KLF8: variants seen among roughly 807,000 people sequenced by gnomAD.
KLF8 encodes the protein Krueppel-like factor 8.
KLF8 carries 10 observed loss-of-function variants against 18.2 expected under a neutral mutation model. The observed-to-expected ratio is 0.55, with a 90% CI of 0.34 to 0.93. KLF8 has a LOEUF of 0.93. Among genes scored for constraint, KLF8 ranks in the 40% least tolerant of loss-of-function variants. The pLI, the probability that KLF8 is intolerant of heterozygous loss-of-function variation, is 0.02. For missense variants in KLF8, 264 were observed against 277.9 expected (o/e 0.95, Z 0.36); for synonymous variants, 109 against 97.3 (o/e 1.12, Z -0.71).
chrX:55,967,386 T>C, the KLF8 span, among the ~76,000 whole-genome samples: 1 of 109,939 alleles, frequency 9.1e-6, no homozygotes, highest in Non-Finnish European at 1.9e-5. Context: ...ACAAATAATA[T>C]ACAGTAAAGC....
the KLF8 span, among the ~76,000 whole-genome samples, chrX:56,018,202 G>A: frequency 1.8e-5 from 2 of 110,292 alleles, no homozygotes; most frequent in Non-Finnish European, 3.8e-5. Flanking sequence ...ATTACCCTTC[G>A]CAGCCTCTGG....
chrX:55,971,347 C>T, the KLF8 span, among the ~76,000 whole-genome samples: 2 of 111,268 alleles, frequency 1.8e-5, no homozygotes, highest in Non-Finnish European at 3.8e-5. Context: ...GCTGGCAAAG[C>T]TGGATATTTA....
At chrX:56,122,703 T>C in the KLF8 span, among the ~76,000 whole-genome samples, 1 of 111,356 alleles carries the variant, frequency 9.0e-6, no homozygotes, top group Non-Finnish European at 1.9e-5. Flanking sequence ...TGTGTACCTA[T>C]GCTTTCTTTT....
chrX:56,192,538 G>A, the KLF8 span, among the ~76,000 whole-genome samples: 1 of 111,769 alleles, frequency 8.9e-6, no homozygotes, highest in African/African-American at 3.2e-5. Context: ...CAACAAAACT[G>A]AAGGAATCAT....
At position 56,287,580 on chromosome X, in the gene KLF8, G is replaced by T. The variant is rs1240059509; in HGVS notation, c.*3086G>T. 8.9e-6 allele frequency: 1 copy of T among 112,003 alleles called. No individual in the cohort carries two copies. Among genetic ancestry groups the T allele is most frequent in the Non-Finnish European group, 1.9e-5 (1 of 53,201 alleles). The allele number at this position is 112,003 out of a possible 1,213,427, so 9.2% of individuals were successfully genotyped here. On this transcript the variant is annotated 3_prime_UTR_variant, in exon 6 of 6. Transcript: ENST00000468660. ...TTGCAGCAGAATTCCTCTATCTGAT[G>T]ATCAGCAGTTGAACATAAACTTCAT...
the KLF8 span, among the ~76,000 whole-genome samples, chrX:56,073,135 C>T: frequency 6.0e-4 from 66 of 109,853 alleles, no homozygotes; most frequent in African/African-American, 1.9e-3. Flanking sequence ...TACAGGCGCC[C>T]GCCACCACGC....
chrX:56,221,255 C>T, the KLF8 span, among the ~76,000 whole-genome samples: 1 of 111,898 alleles, frequency 8.9e-6, no homozygotes. Context: ...GGAAAAGTGC[C>T]TCCTGTTTTA....
chrX:56,162,633 G>A, the KLF8 span, among the ~76,000 whole-genome samples: 8 of 111,798 alleles, frequency 7.2e-5, no homozygotes, highest in East Asian at 5.6e-4. Flanking sequence ...CAGTATTAGG[G>A]TGTGAGTGAC....
the KLF8 span, among the ~76,000 whole-genome samples, chrX:56,136,509 T>G: frequency 9.0e-6 from 1 of 111,683 alleles, no homozygotes; most frequent in Non-Finnish European, 1.9e-5. Flanking sequence ...GGGGAAAGGA[T>G]TCCCTGTTTA....
the KLF8 span, among the ~76,000 whole-genome samples, chrX:55,994,463 C>G: frequency 1.9e-5 from 2 of 104,191 alleles, no homozygotes; most frequent in African/African-American, 7.1e-5. Context: ...TTTTTTCCTG[C>G]TAGCTTTGGG....
intron 5 of KLF8, among the ~76,000 whole-genome samples, chrX:56,274,098 T>A (rs2067091301): frequency 8.9e-6 from 1 of 111,964 alleles, no homozygotes; most frequent in Non-Finnish European, 1.9e-5. Context: ...AACCTCCAAA[T>A]TGTTCTCTAT....
the KLF8 span, among the ~76,000 whole-genome samples, chrX:56,120,949 G>A: frequency 3.6e-5 from 4 of 110,980 alleles, no homozygotes; most frequent in African/African-American, 1.3e-4. Context: ...CACTTTTGGA[G>A]GCCAAGGTGG....
At chrX:56,146,390 C>A in the KLF8 span, among the ~76,000 whole-genome samples, 2 of 111,691 alleles carry the variant, frequency 1.8e-5, no homozygotes, top group African/African-American at 6.5e-5. Flanking sequence ...CCATAAAAAA[C>A]AATGAGTTCA....
At chrX:55,939,887 G>T in the KLF8 span, among the ~76,000 whole-genome samples, 1 of 111,721 alleles carries the variant, frequency 9.0e-6, no homozygotes, top group Non-Finnish European at 1.9e-5. Flanking sequence ...ATAATTAATA[G>T]CTTACCAATC....
In KLF8 at chrX:56,284,935, C is replaced by T. The variant is rs1440134463; in HGVS notation, c.*441C>T. On this transcript the variant is annotated 3_prime_UTR_variant, in exon 6 of 6. Transcript: ENST00000468660. ...AAAAGTGGTTTGATAGTGTCCTAAA[C>T]GACTTTTTTAACTTCCTAAATGGAA... 2.6e-5 allele frequency: 3 copies of T among 115,476 alleles called. No homozygotes were observed. Among genetic ancestry groups the T allele is most frequent in the Non-Finnish European group, 3.6e-5 (2 of 55,779 alleles). 9.5% of individuals were successfully genotyped at this position (115,476 alleles called of 1,213,427 possible).
chrX:55,952,215 C>T, the KLF8 span, among the ~76,000 whole-genome samples: 1 of 111,949 alleles, frequency 8.9e-6, no homozygotes, highest in East Asian at 2.8e-4. Flanking sequence ...CATATGTTGC[C>T]TACGAACAGA....
chrX:55,935,066 A>G, the KLF8 span, among the ~76,000 whole-genome samples: 1 of 112,139 alleles, frequency 8.9e-6, no homozygotes, highest in Admixed American at 9.5e-5. Flanking sequence ...TAACCTTACT[A>G]ATACTTACCT....
chrX:56,028,584 G>A, the KLF8 span, among the ~76,000 whole-genome samples: 2 of 111,476 alleles, frequency 1.8e-5, no homozygotes, highest in African/African-American at 3.3e-5. Flanking sequence ...GCAGAAGGTC[G>A]TCCACGTACT....
the KLF8 span, among the ~76,000 whole-genome samples, chrX:56,047,357 C>A: frequency 9.2e-6 from 1 of 108,894 alleles, no homozygotes. Flanking sequence ...TGTTGGTGTG[C>A]AGCACCCATT....
Sources: gnomAD v4.1 joint callset for allele counts (sites outside exome capture counted in the v4.1 genomes callset) on GRCh38, gnomAD v4.1.1 for gene constraint, MANE v1.5 for transcripts, NCBI Gene and HGNC (gene_info 2026-07-23, HGNC 2026-07-21) for gene names.